Variants in TUSC3 observed in about 807,000 individuals in gnomAD.
TUSC3 encodes the protein tumor suppressor candidate 3, also known as dolichyl-diphosphooligosaccharide--protein glycosyltransferase subunit TUSC3.
Under a neutral mutation model 44.8 loss-of-function variants are expected in TUSC3, and 45 were observed. The observed-to-expected ratio is 1.00, with a 90% confidence interval of 0.79 to 1.29. The LOEUF is 1.29. Among genes scored for constraint, TUSC3 ranks in the 50% most tolerant of loss-of-function variants. TUSC3 has a pLI of 0.00. For synonymous variants in TUSC3, 212 were observed against 152.9 expected (o/e 1.39, Z -2.85); for missense variants, 519 against 437.9 (o/e 1.19, Z -1.65).
At chr8:15,706,951 A>G (rs1223905941) in intron 6 of TUSC3, among the ~76,000 whole-genome samples, 1 of 151,960 alleles carries the variant, frequency 6.6e-6, no homozygotes, top group Non-Finnish European at 1.5e-5. Flanking sequence ...GATAATTAGG[A>G]AAATGCTACT....
rs10632818 is a variant in TUSC3 at position 15,662,494 on chromosome 8, C to CT, written c.708+198_708+199insT. The stretch of plus-strand genomic sequence containing the variant: ...GCTATCTTCCTTCAACTTTTCACTG[C>CT]ATGTACTGTCCCTCTGTACTTGGCA... On this transcript the variant is annotated intron_variant, in intron 5 of 10. Coordinates refer to ENST00000503731, the MANE Select transcript of TUSC3 (RefSeq NM_006765.4). 3.3e-5 allele frequency among the ~76,000 whole-genome samples: 5 copies of CT among 151,600 alleles called. No individual in the cohort carries two copies. The East Asian group carries it at 7.8e-4, about 24-fold the overall frequency.
intron 1 of TUSC3, among the ~76,000 whole-genome samples, chr8:15,427,202 A>G (rs529735376): frequency 6.9e-6 from 1 of 144,236 alleles, no homozygotes; most frequent in East Asian, 2.0e-4. Flanking sequence ...TCTGTTGAAT[A>G]TTGTCTAACG....
intron 6 of TUSC3, among the ~76,000 whole-genome samples, chr8:15,724,497 G>C (rs1563191428): frequency 1.3e-5 from 2 of 152,126 alleles, no homozygotes; most frequent in African/African-American, 4.8e-5. Flanking sequence ...CTTCTTAGAA[G>C]TGTTGTCAAG....
chr8:15,632,805 T>C (rs555674737), intron 2 of TUSC3, among the ~76,000 whole-genome samples: 2 of 152,330 alleles, frequency 1.3e-5, no homozygotes, highest in African/African-American at 4.8e-5. Flanking sequence ...ATTACTAGGA[T>C]TATTCTTCTT....
At chr8:15,549,324 C>G (rs933173954) in intron 1 of TUSC3, among the ~76,000 whole-genome samples, 1 of 151,588 alleles carries the variant, frequency 6.6e-6, no homozygotes, top group African/African-American at 2.4e-5. Flanking sequence ...CAGGCGCACG[C>G]CACCACATCT....
chr8:15,456,634 G>C (rs1800260161), intron 1 of TUSC3, among the ~76,000 whole-genome samples: 1 of 151,846 alleles, frequency 6.6e-6, no homozygotes, highest in South Asian at 2.1e-4. Context: ...CAGAGGTAGG[G>C]AAAAAAGGAC....
chr8:15,595,623 A>G (rs183311459), intron 1 of TUSC3, among the ~76,000 whole-genome samples: 1 of 152,248 alleles, frequency 6.6e-6, no homozygotes, highest in East Asian at 1.9e-4. Flanking sequence ...CTTTTGCTGT[A>G]TCTTGGCCAG....
chr8:15,808,913 A>T, the TUSC3 span, among the ~76,000 whole-genome samples: 1 of 152,084 alleles, frequency 6.6e-6, no homozygotes, highest in Non-Finnish European at 1.5e-5. Flanking sequence ...TTATACACAC[A>T]CACATATAAT....
At chr8:15,561,819 C>CAAG (rs1802478572) in intron 1 of TUSC3, 1 of 152,502 alleles carries the variant, frequency 6.6e-6, no homozygotes, top group Non-Finnish European at 1.5e-5. Flanking sequence ...ACTCCCTGAC[C>CAAG]CCTTGCGCTT....
intron 1 of TUSC3, among the ~76,000 whole-genome samples, chr8:15,603,050 G>T (rs916231823): frequency 2.0e-5 from 3 of 151,534 alleles, no homozygotes; most frequent in Admixed American, 6.6e-5. Context: ...AGAAAAGTCT[G>T]TGTGACAAAG....
At chr8:15,785,028 C>A in the TUSC3 span, among the ~76,000 whole-genome samples, 2 of 151,644 alleles carry the variant, frequency 1.3e-5, no homozygotes, top group Non-Finnish European at 2.9e-5. Flanking sequence ...TATATACACA[C>A]AATTATTTTT....
At chr8:15,695,614 T>G (rs1479284486) in intron 6 of TUSC3, among the ~76,000 whole-genome samples, 10 of 152,092 alleles carry the variant, frequency 6.6e-5, no homozygotes, top group Admixed American at 6.5e-4. Flanking sequence ...CTGGAAAAGT[T>G]TGGGGGCTTT....
chr8:15,842,272 G>T, the TUSC3 span, among the ~76,000 whole-genome samples: 1 of 152,130 alleles, frequency 6.6e-6, no homozygotes, highest in Non-Finnish European at 1.5e-5. Context: ...ATTATGAGCA[G>T]TGTGAACCTG....
intron 1 of TUSC3, among the ~76,000 whole-genome samples, chr8:15,605,025 C>T (rs4831752): frequency 0.23 from 35,625 of 151,678 alleles, 4,567 homozygotes; most frequent in African/African-American, 0.33. Context: ...ATACTCCAGG[C>T]CATTTTTACT....
At chr8:15,617,120 A>ATG (rs143444660) in intron 1 of TUSC3, among the ~76,000 whole-genome samples, 12 of 123,740 alleles carry the variant, frequency 9.7e-5, no homozygotes, top group African/African-American at 1.9e-4. Flanking sequence ...TATCTGTAAA[A>ATG]TGTGTGTGTG....
intron 1 of TUSC3, among the ~76,000 whole-genome samples, chr8:15,608,578 C>T (rs375710941): frequency 5.9e-5 from 9 of 152,198 alleles, no homozygotes; most frequent in African/African-American, 1.2e-4. Context: ...CCATGTGTCA[C>T]GGGAGGAACC....
the TUSC3 span, among the ~76,000 whole-genome samples, chr8:15,776,464 T>C: frequency 1.3e-5 from 2 of 152,142 alleles, no homozygotes; most frequent in Non-Finnish European, 2.9e-5. Flanking sequence ...TCAGTTATGT[T>C]TTCAATGTTC....
chr8:15,560,471 C>A (rs1372011238), intron 1 of TUSC3, among the ~76,000 whole-genome samples: 94 of 150,672 alleles, frequency 6.2e-4, no homozygotes, highest in African/African-American at 1.1e-3. Flanking sequence ...TGAATCTGAC[C>A]ATTATGTGTC....
intron 1 of TUSC3, among the ~76,000 whole-genome samples, chr8:15,590,845 T>C (rs1803804167): frequency 6.6e-6 from 1 of 151,990 alleles, no homozygotes; most frequent in African/African-American, 2.4e-5. Flanking sequence ...CTAATTTTTT[T>C]GTATTTTTTG....
Sources: allele counts gnomAD v4.1 joint callset (sites outside exome capture counted in the v4.1 genomes callset), GRCh38; gene constraint gnomAD v4.1.1; transcripts MANE v1.5; gene names NCBI Gene and HGNC (gene_info 2026-07-23, HGNC 2026-07-21).